PDE4D: variants seen among roughly 807,000 people sequenced by gnomAD.
The protein encoded by PDE4D is 3',5'-cyclic-AMP phosphodiesterase 4D.
A neutral mutation model predicts 87.4 loss-of-function variants in PDE4D; 24 were observed. The ratio of observed to expected loss-of-function variants is 0.27; its 90% CI spans 0.20 to 0.39. PDE4D has a LOEUF of 0.39. Ranked by LOEUF, PDE4D falls within the 10% of genes least tolerant of loss-of-function variation. PDE4D has a pLI of 1.00. For missense variants in PDE4D, 714 were observed against 1,041.0 expected, an observed-to-expected ratio of 0.69 and a Z score of 4.32; for synonymous variants, 384 against 383.2, an observed-to-expected ratio of 1.00 and a Z score of -0.02.
At chr5:60,332,181 A>ATTC (rs1562331765) in intron 1 of PDE4D, among the ~76,000 whole-genome samples, 7 of 151,946 alleles carry the variant, frequency 4.6e-5, no homozygotes, top group East Asian at 2.0e-4. Context: ...ATTTTTTTTA[A>ATTC]AATTTAAATT....
intron 5 of PDE4D, among the ~76,000 whole-genome samples, chr5:59,044,871 C>T (rs1317919865): frequency 2.0e-5 from 3 of 152,034 alleles, no homozygotes; most frequent in East Asian, 1.9e-4. Flanking sequence ...ATTGTTTTTC[C>T]GAATGTTGCC....
intron 1 of PDE4D, among the ~76,000 whole-genome samples, chr5:60,451,873 G>T (rs1436908075): frequency 2.0e-5 from 3 of 152,004 alleles, no homozygotes; most frequent in Admixed American, 6.6e-5. Context: ...ATGATGTTTT[G>T]CCAGGTTTGT....
Position 59,189,259 on chromosome 5 carries a change from T to TTTG in PDE4D, c.685-3998_685-3997insCAA, listed in dbSNP as rs1250443150. ...TTTTTTTTTTGTTTTTTTTGTTTTT[T>TTTG]TTTTTTTGAGACGGAGTTTTGCTCT... On this transcript the variant is annotated intron_variant, in intron 3 of 14. Transcript: ENST00000340635. Among the ~76,000 whole-genome samples the TTTG allele has an allele frequency of 3.4e-3, 483 of 141,280 alleles. 8 individuals are homozygous for TTTG. The highest frequency in any genetic ancestry group is 5.7e-3 in the Admixed American group (81 of 14,312). 92.7% of individuals were successfully genotyped at this position (141,280 alleles called of 152,430 possible).
intron 1 of PDE4D, among the ~76,000 whole-genome samples, chr5:59,449,448 C>T (rs1357416274): frequency 3.3e-5 from 5 of 152,162 alleles, no homozygotes; most frequent in Non-Finnish European, 2.9e-5. Flanking sequence ...AAATGCTCTA[C>T]CCAGTAAAAC....
intron 1 of PDE4D, among the ~76,000 whole-genome samples, chr5:60,361,736 A>C (rs1247217309): frequency 6.6e-6 from 1 of 152,150 alleles, no homozygotes; most frequent in Non-Finnish European, 1.5e-5. Context: ...GAGATGGTGG[A>C]TGCTCCATCA....
At chr5:59,645,161 A>C (rs1742242134) in intron 1 of PDE4D, among the ~76,000 whole-genome samples, 1 of 152,220 alleles carries the variant, frequency 6.6e-6, no homozygotes, top group Non-Finnish European at 1.5e-5. Context: ...CTGTAAGGAC[A>C]GCTTCTGTGT....
At chr5:60,103,103 T>A (rs1401430303) in intron 2 of PDE4D, among the ~76,000 whole-genome samples, 1 of 152,114 alleles carries the variant, frequency 6.6e-6, no homozygotes, top group Non-Finnish European at 1.5e-5. Flanking sequence ...ATTCATGAAC[T>A]CCTGCAGGGA....
At chr5:59,744,883 T>C (rs1007339791) in intron 1 of PDE4D, among the ~76,000 whole-genome samples, 4 of 152,200 alleles carry the variant, frequency 2.6e-5, no homozygotes, top group African/African-American at 9.6e-5. Context: ...AAGCTTTATT[T>C]CTGAATGCCT....
Position 59,129,874 on chromosome 5 carries a change from C to T in PDE4D, c.808+50721G>A, listed in dbSNP as rs114246904. 5.3e-3 allele frequency among the ~76,000 whole-genome samples: 808 copies of T among 152,192 alleles called. 4 individuals carry two copies. The highest frequency in any genetic ancestry group is 0.01 in the Middle Eastern group (3 of 294). On this transcript the variant is annotated intron_variant, in intron 5 of 14. Transcript: ENST00000340635. ...CAGTTTCCTTATCTATAAAATATGA[C>T]CCTACCTTGCAGGGTTATTGAAAGG...
At chr5:59,678,606 T>C (rs903454584) in intron 1 of PDE4D, among the ~76,000 whole-genome samples, 12 of 152,112 alleles carry the variant, frequency 7.9e-5, no homozygotes, top group Admixed American at 2.0e-4. Context: ...GCTGGGATTA[T>C]AGGCACCTGC....
At chr5:59,894,862 A>G (rs187266347), upstream of PDE4D, among the ~76,000 whole-genome samples, 1 of 152,374 alleles carries the variant, frequency 6.6e-6, no homozygotes, top group East Asian at 1.9e-4. Flanking sequence ...AAAGAAGCCA[A>G]GAGGATTTCA....
intron 5 of PDE4D, among the ~76,000 whole-genome samples, chr5:59,112,366 G>A (rs1378876082): frequency 2.6e-5 from 4 of 152,174 alleles, no homozygotes; most frequent in African/African-American, 9.7e-5. Context: ...TGAGGGAAAT[G>A]GGAGCCATTG....
At chr5:59,695,022 C>T (rs1454478249) in intron 1 of PDE4D, among the ~76,000 whole-genome samples, 1 of 152,108 alleles carries the variant, frequency 6.6e-6, no homozygotes, top group Non-Finnish European at 1.5e-5. Context: ...CGGGACCCCC[C>T]AGGAATACCC....
intron 2 of PDE4D, among the ~76,000 whole-genome samples, chr5:60,018,320 C>A (rs1266524270): frequency 1.3e-5 from 2 of 152,128 alleles, no homozygotes; most frequent in Admixed American, 6.5e-5. Flanking sequence ...ACCAGGCCTG[C>A]CTTGCAAGAG....
At chr5:60,049,451 A>G (rs1294891683) in intron 2 of PDE4D, among the ~76,000 whole-genome samples, 1 of 152,150 alleles carries the variant, frequency 6.6e-6, no homozygotes, top group African/African-American at 2.4e-5. Flanking sequence ...TCTGCTTTTT[A>G]GAGTTTCCAG....
chr5:60,174,943 T>A (rs1783785311), intron 2 of PDE4D, among the ~76,000 whole-genome samples: 1 of 152,110 alleles, frequency 6.6e-6, no homozygotes, highest in African/African-American at 2.4e-5. Flanking sequence ...AGATTTTGAG[T>A]CTGTGATTTG....
chr5:60,410,429 G>C (rs974507411), intron 1 of PDE4D, among the ~76,000 whole-genome samples: 7 of 152,084 alleles, frequency 4.6e-5, no homozygotes, highest in Non-Finnish European at 1.0e-4. Context: ...CCTTTTCCTA[G>C]AGACAGAGCA....
intron 2 of PDE4D, among the ~76,000 whole-genome samples, chr5:60,044,413 T>C (rs9986211): frequency 0.14 from 21,939 of 152,092 alleles, 1,626 homozygotes; most frequent in Middle Eastern, 0.22. Flanking sequence ...GTGCACAATG[T>C]GCAGGTTAGT....
intron 1 of PDE4D, among the ~76,000 whole-genome samples, chr5:59,892,716 T>C (rs1176329513): frequency 2.0e-5 from 3 of 152,046 alleles, no homozygotes; most frequent in Admixed American, 6.6e-5. Flanking sequence ...CTCTTCCCAA[T>C]AGGGTGAGTG....
Sources: gnomAD v4.1 joint callset for allele counts (sites outside exome capture counted in the v4.1 genomes callset) on GRCh38, gnomAD v4.1.1 for gene constraint, MANE v1.5 for transcripts, NCBI Gene and HGNC (gene_info 2026-07-23, HGNC 2026-07-21) for gene names.